NBEA: variants seen among roughly 807,000 people sequenced by gnomAD.
The protein encoded by NBEA is neurobeachin, also known as lysosomal-trafficking regulator 2.
A neutral mutation model predicts 343.4 loss-of-function variants in NBEA; 44 were observed. That is an observed-to-expected ratio of 0.13 (90% CI 0.10 to 0.16). The LOEUF is 0.16. Ranked by LOEUF, NBEA falls within the 10% of genes least tolerant of loss-of-function variation. The pLI is 1.00. For synonymous variants in NBEA, 1,175 were observed against 1,238.7 expected (o/e 0.95, Z 1.08); for missense variants, 2,555 against 3,631.3 (o/e 0.70, Z 7.62).
intron 1 of NBEA, among the ~76,000 whole-genome samples, chr13:34,989,796 C>T (rs2060685698): frequency 6.6e-6 from 1 of 150,760 alleles, no homozygotes; most frequent in Non-Finnish European, 1.5e-5. Context: ...TGGGACAAGG[C>T]ACGTCTATTT....
At chr13:35,365,145 A>C (rs2152877774) in intron 38 of NBEA, among the ~76,000 whole-genome samples, 1 of 151,888 alleles carries the variant, frequency 6.6e-6, no homozygotes, top group African/African-American at 2.4e-5. Context: ...CATTTTTTCT[A>C]AAATATGTAG....
chr13:35,645,985 A>G (rs2084210528), intron 50 of NBEA, 54 bp downstream of exon 50: 12 of 1,148,046 alleles, frequency 1.0e-5, no homozygotes, highest in Admixed American at 2.5e-5. Flanking sequence ...AGCTGCATGC[A>G]TGTATTCACA....
intron 18 of NBEA, among the ~76,000 whole-genome samples, chr13:35,154,782 G>A (rs1264429957): frequency 6.6e-6 from 1 of 152,162 alleles, no homozygotes; most frequent in East Asian, 1.9e-4. Context: ...AAACTCATTA[G>A]TAAATGACAA....
At chr13:35,129,748 T>C (rs1391211737) in intron 17 of NBEA, among the ~76,000 whole-genome samples, 2 of 152,124 alleles carry the variant, frequency 1.3e-5, no homozygotes, top group Non-Finnish European at 2.9e-5. Context: ...AAGACCTGAT[T>C]TCTCAGATTT....
At chr13:35,232,776 A>AT (rs966327144) in intron 34 of NBEA, among the ~76,000 whole-genome samples, 157 bp downstream of exon 34, 2 of 151,926 alleles carry the variant, frequency 1.3e-5, no homozygotes, top group Non-Finnish European at 2.9e-5. Context: ...CTCTTCACTC[A>AT]TTTTTTTTAA....
intron 18 of NBEA, among the ~76,000 whole-genome samples, chr13:35,149,809 T>C (rs751265759): frequency 1.6e-4 from 25 of 152,192 alleles, no homozygotes; most frequent in Admixed American, 2.6e-4. Flanking sequence ...CATAATATGT[T>C]GAATTTGAAA....
At chr13:35,218,061 A>G (rs943741032) in intron 33 of NBEA, among the ~76,000 whole-genome samples, 1 of 152,024 alleles carries the variant, frequency 6.6e-6, no homozygotes, top group African/African-American at 2.4e-5. Flanking sequence ...AGGACTCAGT[A>G]TTTGCCATAA....
intron 1 of NBEA, among the ~76,000 whole-genome samples, chr13:35,020,354 G>A (rs1357233655): frequency 6.6e-6 from 1 of 151,868 alleles, no homozygotes; most frequent in Non-Finnish European, 1.5e-5. Context: ...ATCATACTTT[G>A]TATAATTTGT....
Position 35,646,269 on chromosome 13 carries a change from C to T in NBEA, c.7691C>T (p.Ala2564Val). ...CTCCTTCCCCTGCAGGCCATGGAGGCACAGATACAGAACTTTGGACAGACG... is the reference window on the plus strand; with the variant it reads ...CTCCTTCCCCTGCAGGCCATGGAGGTACAGATACAGAACTTTGGACAGACG... ...LTKDFIKAMEAQIQNFGQTPS... is the reference protein window; with the variant it reads ...LTKDFIKAMEVQIQNFGQTPS... The change falls in exon 51 of 59, where the codon GCA (alanine) becomes GTA (valine). Residue 2564 changes from alanine (A) to valine (V), a missense_variant. By Grantham distance (64) the Ala-to-Val change is moderately conservative. Coordinates refer to ENST00000379939, the MANE Select transcript of NBEA (RefSeq NM_001385012.1). 2.5e-6 allele frequency: 4 copies of T among 1,613,028 alleles called. No homozygotes were observed. Among genetic ancestry groups the T allele is most frequent in the African/African-American group, 1.3e-5 (1 of 75,010 alleles).
chr13:35,575,528 A>G (rs1294208764), intron 45 of NBEA, among the ~76,000 whole-genome samples: 1 of 152,152 alleles, frequency 6.6e-6, no homozygotes, highest in Non-Finnish European at 1.5e-5. Flanking sequence ...CCTAATAACA[A>G]TACCCATTAA....
intron 11 of NBEA, among the ~76,000 whole-genome samples, chr13:35,099,062 G>A (rs572367756): frequency 7.7e-6 from 1 of 130,612 alleles, no homozygotes; most frequent in African/African-American, 3.0e-5. Flanking sequence ...GTCTCACTCT[G>A]TCTCCCACAG....
rs553415378 is a variant in NBEA at position 35,227,449 on chromosome 13, A to G, written c.5649-5043A>G. On this transcript the variant is annotated intron_variant, in intron 33 of 58. Coordinates refer to ENST00000379939, the MANE Select transcript of NBEA (RefSeq NM_001385012.1). ...CATCTGTGTTTACCTAAACCCAATCAGTTCACTTACCGATGCCTACATTTC... is the reference window on the plus strand; with the variant it reads ...CATCTGTGTTTACCTAAACCCAATCGGTTCACTTACCGATGCCTACATTTC... Among the ~76,000 whole-genome samples the G allele has an allele frequency of 3.2e-4, 48 of 152,210 alleles. 1 individual carries two copies. In the East Asian group the frequency reaches 8.9e-3, roughly 28 times the overall value.
At chr13:35,534,817 G>A (rs761169145) in intron 41 of NBEA, among the ~76,000 whole-genome samples, 9 of 152,128 alleles carry the variant, frequency 5.9e-5, no homozygotes, top group South Asian at 2.1e-4. Flanking sequence ...AGTACATGCC[G>A]ACTGAATTTT....
chr13:35,159,412 T>A lies in NBEA; in HGVS notation c.3241T>A (p.Leu1081Ile), dbSNP rs201929445. The change falls in exon 22 of 59, where the codon TTA (leucine) becomes ATA (isoleucine). Residue 1081 changes from leucine to isoleucine, a missense_variant. Coordinates refer to ENST00000379939, the MANE Select transcript of NBEA (RefSeq NM_001385012.1). Reference protein sequence around the residue: ...LDDMDLSPETLVGGENGALVE... With the variant: ...LDDMDLSPETIVGGENGALVE... Reference sequence around the variant, plus strand: ...TGATATGGATTTATCACCGGAGACTTTAGTAGGTGGAGAGAATGGTGCCCT... The same window carrying A: ...TGATATGGATTTATCACCGGAGACTATAGTAGGTGGAGAGAATGGTGCCCT... 429 of 1,613,244 alleles carry A rather than the reference T, an allele frequency of 2.7e-4. 3 individuals are homozygous for A. The highest frequency in any genetic ancestry group is 2.6e-3 in the South Asian group (240 of 91,048).
intron 34 of NBEA, among the ~76,000 whole-genome samples, chr13:35,279,123 G>A (rs1471088701): frequency 6.6e-6 from 1 of 152,152 alleles, no homozygotes; most frequent in Non-Finnish European, 1.5e-5. Context: ...AATCAATAAA[G>A]CAAGCCCTGG....
chr13:35,313,379 T>C (rs1293458303), intron 36 of NBEA, among the ~76,000 whole-genome samples: 1 of 152,210 alleles, frequency 6.6e-6, no homozygotes, highest in East Asian at 1.9e-4. Context: ...ATCTCTATAT[T>C]CTGGAATAGT....
chr13:35,538,944 C>T (rs1361812819), intron 41 of NBEA, among the ~76,000 whole-genome samples: 1 of 152,178 alleles, frequency 6.6e-6, no homozygotes, highest in Non-Finnish European at 1.5e-5. Flanking sequence ...ACCCATGTTC[C>T]ATCTAGTCCA....
At chr13:34,978,663 CA>C (rs1249139278) in intron 1 of NBEA, among the ~76,000 whole-genome samples, 1 of 152,066 alleles carries the variant, frequency 6.6e-6, no homozygotes, top group East Asian at 1.9e-4. Flanking sequence ...TTTTTCCCAC[CA>C]TAGATTAGTA....
chr13:35,580,979 T>C (rs1039226394), intron 45 of NBEA, among the ~76,000 whole-genome samples: 1 of 152,226 alleles, frequency 6.6e-6, no homozygotes, highest in East Asian at 1.9e-4. Flanking sequence ...ACATGCTCCT[T>C]TTTAAAGAAT....
Sources: allele counts gnomAD v4.1 joint callset (sites outside exome capture counted in the v4.1 genomes callset), GRCh38; gene constraint gnomAD v4.1.1; transcripts MANE v1.5; gene names NCBI Gene and HGNC (gene_info 2026-07-23, HGNC 2026-07-21).